UBR4: variants seen among roughly 807,000 people sequenced by gnomAD.
The protein encoded by UBR4 is ubiquitin protein ligase E3 component n-recognin 4.
In UBR4, 124 loss-of-function variants were observed where a neutral mutation model predicts 575.6. The observed-to-expected ratio is 0.22, with a 90% CI of 0.19 to 0.25. The LOEUF is 0.25. Ranked by LOEUF, UBR4 falls within the 10% of genes least tolerant of loss-of-function variation. The pLI is 1.00. For synonymous variants in UBR4, 2,455 were observed against 2,473.7 expected, an observed-to-expected ratio of 0.99 and a Z score of 0.22; for missense variants, 4,818 against 6,478.8, an observed-to-expected ratio of 0.74 and a Z score of 8.80.
chr1:19,116,022 T>G (rs2080485028), intron 73 of UBR4, among the ~76,000 whole-genome samples: 1 of 152,186 alleles, frequency 6.6e-6, no homozygotes, highest in African/African-American at 2.4e-5. Flanking sequence ...CCCAGGCTAT[T>G]TTAGAGAGGC....
intron 86 of UBR4, 62 bp from the exon 87 acceptor site, chr1:19,104,319 T>C: frequency 6.3e-7 from 1 of 1,577,990 alleles, no homozygotes; most frequent in Non-Finnish European, 8.6e-7. Flanking sequence ...ACAGTCTGTG[T>C]CTCAAAAGAT....
At chr1:19,199,778 C>A in intron 2 of UBR4, 24 bp from the exon 3 acceptor site, 1 of 1,587,506 alleles carries the variant, frequency 6.3e-7, no homozygotes, top group South Asian at 1.1e-5. Flanking sequence ...AAACATTACT[C>A]AATTTCAGAC....
Position 19,139,880 on chromosome 1 carries a change from G to T in UBR4, c.8594-660C>A, listed in dbSNP as rs564633293. 3.3e-5 allele frequency among the ~76,000 whole-genome samples: 5 copies of T among 152,264 alleles called. No homozygotes were observed. The East Asian group carries it at 9.6e-4, about 29-fold the overall frequency. ...CCACAGCATCCAGGATCAGGGCTGA[G>T]CTGAGACAGGAGGAAAATGCTGGAT... On this transcript the variant is annotated intron_variant, in intron 58 of 105. Coordinates refer to ENST00000375254, the MANE Select transcript of UBR4 (RefSeq NM_020765.3). This position sits in a 1 kb window ranked among gnomAD's most constrained non-coding sequence, Gnocchi z 4.2.
chr1:19,133,824 A>G (rs1185168139), intron 60 of UBR4, among the ~76,000 whole-genome samples: 1 of 151,992 alleles, frequency 6.6e-6, no homozygotes, highest in Non-Finnish European at 1.5e-5. Context: ...CACACCTGTT[A>G]TCCCAGCACT....
intron 2 of UBR4, among the ~76,000 whole-genome samples, chr1:19,200,039 TGAGGCA>T (rs2092670084): frequency 1.3e-5 from 2 of 152,386 alleles, no homozygotes; most frequent in Admixed American, 1.3e-4. Context: ...ACCAATTCTA[TGAGGCA>T]GATATTCATA....
intron 11 of UBR4, among the ~76,000 whole-genome samples, chr1:19,189,565 ATATTT>A (rs2091876905): frequency 1.3e-5 from 2 of 152,214 alleles, no homozygotes; most frequent in Non-Finnish European, 2.9e-5. Context: ...AAACTTATAT[ATATTT>A]TATATGTGCA....
chr1:19,091,963 A>T (rs780590665), intron 97 of UBR4, among the ~76,000 whole-genome samples: 8 of 152,146 alleles, frequency 5.3e-5, no homozygotes, highest in Non-Finnish European at 8.8e-5. Flanking sequence ...GAAACTCCAG[A>T]AAATCATGCT....
Position 19,117,889 on chromosome 1 carries a change from C to T in UBR4, c.10563G>A (p.Glu3521=), listed in dbSNP as rs376572961. Residue 3521 remains glutamate, a synonymous_variant, in exon 72 of 106, where the codon GAG becomes GAA. Transcript: ENST00000375254. The surrounding 1 kb of genome is among the most constrained non-coding windows in gnomAD (Gnocchi z 4.0). ...CGCTCTCCAGGTAATAGCCATCAAA[C>T]TCCACTAAGCCAGACAAAGTGCTAA... ...NIYNTLSGLV[E]FDGYYLESDP... 6.2e-7 allele frequency: 1 copy of T among 1,614,088 alleles called. No homozygotes were observed. The highest frequency in any genetic ancestry group is 8.5e-7 in the Non-Finnish European group (1 of 1,180,040).
In UBR4 at chr1:19,150,730, G is replaced by C. The variant is rs138326134; in HGVS notation, c.7277C>G (p.Thr2426Ser). ...MIDAVKIYGK[T>S]KEQFGWPDEP... ...ATCAGGCCAGCCAAACTGCTCCTTA[G>C]TCTTGCCATAAATTTTTACAGCATC... The change falls in exon 49 of 106, where the codon ACT becomes AGT. Residue 2426 changes from threonine to serine, a missense_variant. Physicochemically the swap from Thr to Ser is moderately conservative, Grantham distance 58. Around this residue, in one of 29 missense-constraint regions of UBR4, gnomAD observed 340 missense variants for 375.4 expected, o/e 0.91. Transcript: ENST00000375254. 5.8e-5 allele frequency: 94 copies of C among 1,613,938 alleles called. No homozygotes were observed. Among genetic ancestry groups the C allele is most frequent in the Admixed American group, 6.7e-5 (4 of 59,996 alleles).
intron 90 of UBR4, 66 bp from the exon 91 acceptor site, chr1:19,097,346 CT>C (rs2148977266): frequency 1.4e-6 from 2 of 1,418,752 alleles, no homozygotes; most frequent in African/African-American, 2.9e-5. Flanking sequence ...GGACTCCATA[CT>C]TGGTCTTGCT....
intron 97 of UBR4, among the ~76,000 whole-genome samples, chr1:19,091,747 C>G (rs891266951): frequency 5.9e-5 from 9 of 152,214 alleles, no homozygotes; most frequent in Non-Finnish European, 1.2e-4. Flanking sequence ...CTCTAGAGAA[C>G]AGTTTGGCAG....
chr1:19,184,118 G>A lies in UBR4; in HGVS notation c.1996C>T (p.Arg666Trp), dbSNP rs545822812. Residue 666 changes from arginine to tryptophan, a missense_variant, in exon 16 of 106, where the codon CGG (arginine) becomes TGG (tryptophan). This residue lies in a region of UBR4 where 1,172 missense variants were observed against 1,259.7 expected (regional missense o/e 0.93). Coordinates refer to ENST00000375254, the MANE Select transcript of UBR4 (RefSeq NM_020765.3). ...AGATAGTTTCGGATAAAATTGTTCC[G>A]AGAGTTCAGCATGGAAGAGGTGATG... ...NFITSSMLNS[R>W]NNFIRNYLSV... 3.4e-5 allele frequency: 55 copies of A among 1,614,164 alleles called. No individual in the cohort carries two copies. Among genetic ancestry groups the A allele is most frequent in the Admixed American group, 1.0e-4 (6 of 60,018 alleles).
intron 65 of UBR4, among the ~76,000 whole-genome samples, 168 bp from the exon 66 acceptor site, chr1:19,123,228 G>A (rs2081363475): frequency 6.6e-6 from 1 of 152,100 alleles, no homozygotes; most frequent in Non-Finnish European, 1.5e-5. Context: ...GAGGTGGGCT[G>A]ATCACTTGAG....
intron 97 of UBR4, among the ~76,000 whole-genome samples, chr1:19,090,753 TA>T (rs1302827296): frequency 5.9e-5 from 9 of 152,160 alleles, no homozygotes; most frequent in African/African-American, 2.2e-4. Flanking sequence ...AGTATCTAAC[TA>T]GATAAAGCCT....
At chr1:19,198,744 G>T in intron 4 of UBR4, 55 bp downstream of exon 4, 2 of 1,612,492 alleles carry the variant, frequency 1.2e-6, no homozygotes, top group South Asian at 2.2e-5. Flanking sequence ...AAGGTGCCAT[G>T]GAAAAGGTGC....
intron 88 of UBR4, 139 bp downstream of exon 88, chr1:19,101,381 G>T (rs573281506): frequency 1.1e-5 from 14 of 1,228,528 alleles, no homozygotes; most frequent in Non-Finnish European, 1.5e-5. Flanking sequence ...CTTTTATGGC[G>T]GTGGATCTTC....
At chr1:19,122,298 T>C (rs927712479) in intron 66 of UBR4, among the ~76,000 whole-genome samples, 2 of 152,156 alleles carry the variant, frequency 1.3e-5, no homozygotes, top group Non-Finnish European at 2.9e-5. Context: ...CAGCAAAAGG[T>C]AGACCATGAC....
rs1374821054 is a variant in UBR4 at position 19,152,530 on chromosome 1, C to T, written c.6833-54G>A. ...AGTCTCTCCCACCTCTGCCCCAACA[C>T]CACTGGTAAAGACTCCTCCCAGACA... On this transcript the variant is annotated intron_variant, in intron 46 of 105. Coordinates refer to ENST00000375254, the MANE Select transcript of UBR4 (RefSeq NM_020765.3). The surrounding 1 kb of genome is among the most constrained non-coding windows in gnomAD (Gnocchi z 4.4). The T allele has an allele frequency of 1.9e-6, 3 of 1,607,302 alleles. No homozygotes were observed. Among genetic ancestry groups the T allele is most frequent in the Non-Finnish European group, 2.5e-6 (3 of 1,176,578 alleles).
chr1:19,128,897 G>T, intron 61 of UBR4, 81 bp downstream of exon 61: 2 of 1,280,548 alleles, frequency 1.6e-6, no homozygotes, highest in Non-Finnish European at 2.3e-6. Context: ...AGGCTTCCAG[G>T]TCCTCTGGAA....
Sources: allele counts gnomAD v4.1 joint callset (sites outside exome capture counted in the v4.1 genomes callset), GRCh38; gene constraint gnomAD v4.1.1; regional missense constraint gnomAD v4.1.1; non-coding constraint Gnocchi (gnomAD v3.1); transcripts MANE v1.5; gene names NCBI Gene and HGNC (gene_info 2026-07-23, HGNC 2026-07-21).